The following EXOC4 variants were observed in gnomAD, a reference collection of about 807,000 sequenced individuals.
The protein encoded by EXOC4 is exocyst complex component 4.
A neutral mutation model predicts 107.2 loss-of-function variants in EXOC4; 71 were observed. That is an observed-to-expected ratio of 0.66 (90% confidence interval 0.55 to 0.81). The LOEUF (loss-of-function observed/expected upper bound fraction) is 0.81, where lower values mean the gene tolerates loss of function less well. EXOC4 is among the 30% of genes least tolerant of loss of function. The pLI, the probability that EXOC4 is intolerant of heterozygous loss-of-function variation, is 0.00. For synonymous variants in EXOC4, 456 were observed against 441.2 expected, an observed-to-expected ratio of 1.03 and a Z score of -0.42; for missense variants, 1,108 against 1,189.6, an observed-to-expected ratio of 0.93 and a Z score of 1.01.
chr7:133,605,205 T>C (rs1480393561), intron 9 of EXOC4, among the ~76,000 whole-genome samples: 1 of 152,238 alleles, frequency 6.6e-6, no homozygotes, highest in Non-Finnish European at 1.5e-5. Flanking sequence ...GTACACACTA[T>C]TGTCAGACTC....
rs1164394050 is a variant in EXOC4, at chr7:133,799,612, A to T, written c.1515-17713A>T. Among the ~76,000 whole-genome samples the T allele has an allele frequency of 3.3e-5, 5 of 152,344 alleles. No individual in the cohort carries two copies. In the East Asian group the frequency reaches 5.8e-4, roughly 18 times the overall value. The stretch of plus-strand genomic sequence containing the variant: ...CATCAAATGGCCATTATGCAGAGAT[A>T]TGGGAATGTAACGCAGCCTGATCCT... On this transcript the variant is annotated intron_variant, in intron 10 of 17. Transcript: ENST00000253861.
intron 17 of EXOC4, among the ~76,000 whole-genome samples, chr7:134,031,773 A>G (rs1477823533): frequency 6.6e-6 from 1 of 152,274 alleles, no homozygotes; most frequent in African/African-American, 2.4e-5. Flanking sequence ...AGACTCCATT[A>G]TAAACCCATG....
chr7:134,086,128 G>T, the EXOC4 span, among the ~76,000 whole-genome samples: 1 of 152,196 alleles, frequency 6.6e-6, no homozygotes, highest in African/African-American at 2.4e-5. Flanking sequence ...AGTTAACTGA[G>T]TAGGACTTCA....
intron 14 of EXOC4, among the ~76,000 whole-genome samples, chr7:133,971,481 A>G (rs951074406): frequency 2.7e-5 from 4 of 150,844 alleles, no homozygotes; most frequent in African/African-American, 9.7e-5. Flanking sequence ...ATATACACAT[A>G]TATACATAAA....
chr7:133,558,617 TTTTA>T (rs1309290063), intron 9 of EXOC4, among the ~76,000 whole-genome samples: 1 of 152,132 alleles, frequency 6.6e-6, no homozygotes, highest in African/African-American at 2.4e-5. Flanking sequence ...TCAAATGTCT[TTTTA>T]TTTTTTTTAA....
chr7:133,800,348 C>T (rs1796912174), intron 10 of EXOC4, among the ~76,000 whole-genome samples: 1 of 151,842 alleles, frequency 6.6e-6, no homozygotes, highest in Admixed American at 6.6e-5. Context: ...ATTCTGATTC[C>T]TTCTGTGTTT....
intron 10 of EXOC4, among the ~76,000 whole-genome samples, chr7:133,704,663 T>C (rs566976394): frequency 6.6e-6 from 1 of 152,330 alleles, no homozygotes; most frequent in African/African-American, 2.4e-5. Context: ...TGTGCTTTTA[T>C]GGGAGGGATC....
chr7:134,093,082 G>A, the EXOC4 span, among the ~76,000 whole-genome samples: 6 of 151,996 alleles, frequency 3.9e-5, no homozygotes, highest in Admixed American at 6.6e-5. Flanking sequence ...AACCTCGCAC[G>A]TAAATATTAA....
rs558228001 is a variant in EXOC4, at chr7:133,927,685, A to C, written c.2027+9947A>C. Among the ~76,000 whole-genome samples the C allele has an allele frequency of 7.2e-5, 11 of 152,354 alleles. No homozygotes were observed. In the East Asian group the frequency reaches 2.1e-3, roughly 29 times the overall value. ...TTATAAAAGGAAAGATAAATCAGAA[A>C]ACATGAATATATTAAATAAGTGCAA... On this transcript the variant is annotated intron_variant, in intron 13 of 17. Transcript: ENST00000253861.
downstream of EXOC4, among the ~76,000 whole-genome samples, chr7:134,067,133 G>A (rs1404008454): frequency 7.3e-6 from 1 of 137,086 alleles, no homozygotes; most frequent in African/African-American, 2.8e-5. Context: ...CTAGGCGACA[G>A]AGCGACACTC....
intron 13 of EXOC4, among the ~76,000 whole-genome samples, chr7:133,929,235 T>A (rs1179734721): frequency 6.6e-6 from 1 of 152,146 alleles, no homozygotes; most frequent in Non-Finnish European, 1.5e-5. Flanking sequence ...CCGGTTACAG[T>A]AGTACCTTTT....
intron 17 of EXOC4, among the ~76,000 whole-genome samples, chr7:134,063,930 G>A (rs1400639199): frequency 6.6e-6 from 1 of 152,178 alleles, no homozygotes; most frequent in Non-Finnish European, 1.5e-5. Flanking sequence ...GATTGAATGA[G>A]ACAAAACCTG....
intron 7 of EXOC4, among the ~76,000 whole-genome samples, chr7:133,440,702 C>CA (rs1339746602): frequency 1.3e-5 from 2 of 152,306 alleles, no homozygotes; most frequent in African/African-American, 4.8e-5. Context: ...CTCACTGCTA[C>CA]ACTCCCACCA....
intron 10 of EXOC4, among the ~76,000 whole-genome samples, chr7:133,663,427 G>A (rs1793741730): frequency 6.6e-6 from 1 of 151,972 alleles, no homozygotes; most frequent in African/African-American, 2.4e-5. Context: ...CTCCAGCCTG[G>A]ACCACTTCAC....
At chr7:134,029,754 CA>C (rs1795227658) in intron 17 of EXOC4, among the ~76,000 whole-genome samples, 1 of 152,164 alleles carries the variant, frequency 6.6e-6, no homozygotes, top group African/African-American at 2.4e-5. Flanking sequence ...CTCCTATTCT[CA>C]AGCAGTCCTC....
At chr7:133,688,336 C>G (rs1287779889) in intron 10 of EXOC4, among the ~76,000 whole-genome samples, 1 of 152,070 alleles carries the variant, frequency 6.6e-6, no homozygotes, top group African/African-American at 2.4e-5. Flanking sequence ...TTTGATTAAA[C>G]AGAATGAAAA....
chr7:133,857,423 T>C (rs1798439637), intron 11 of EXOC4, among the ~76,000 whole-genome samples: 1 of 130,016 alleles, frequency 7.7e-6, no homozygotes, highest in Non-Finnish European at 1.6e-5. Context: ...ATCCTTCGGG[T>C]GTCACTTCAC....
At chr7:133,717,675 A>G (rs1795025988) in intron 10 of EXOC4, among the ~76,000 whole-genome samples, 1 of 152,252 alleles carries the variant, frequency 6.6e-6, no homozygotes, top group South Asian at 2.1e-4. Flanking sequence ...GAATATACTT[A>G]CACACATACA....
chr7:133,795,997 A>G (rs1036408830), intron 10 of EXOC4, among the ~76,000 whole-genome samples: 1 of 152,180 alleles, frequency 6.6e-6, no homozygotes, highest in African/African-American at 2.4e-5. Flanking sequence ...AGTTGAGAAT[A>G]AGGAAGATGT....
Sources: allele counts gnomAD v4.1 joint callset (sites outside exome capture counted in the v4.1 genomes callset), GRCh38; gene constraint gnomAD v4.1.1; transcripts MANE v1.5; gene names NCBI Gene and HGNC (gene_info 2026-07-23, HGNC 2026-07-21).